LRCH1: variants seen among roughly 807,000 people sequenced by gnomAD.
LRCH1 encodes the protein leucine rich repeats and calponin homology domain containing 1.
LRCH1 carries 23 observed loss-of-function variants against 94.9 expected under a neutral mutation model. That is an observed-to-expected ratio of 0.24 (90% confidence interval 0.17 to 0.34). The LOEUF (loss-of-function observed/expected upper bound fraction) is 0.34. LRCH1 is among the 10% of genes least tolerant of loss of function. The pLI, the probability that LRCH1 is intolerant of heterozygous loss-of-function variation, is 1.00. For missense variants in LRCH1, 790 were observed against 945.9 expected, an observed-to-expected ratio of 0.84 and a Z score of 2.16; for synonymous variants, 364 against 354.9, an observed-to-expected ratio of 1.03 and a Z score of -0.29.
chr13:46,587,763 G>A (rs2050451435), intron 1 of LRCH1, among the ~76,000 whole-genome samples: 1 of 152,164 alleles, frequency 6.6e-6, no homozygotes, highest in Non-Finnish European at 1.5e-5. Flanking sequence ...ATCTATTGTT[G>A]TTAACATCTG....
At chr13:46,700,430 C>A (rs1394053398) in intron 10 of LRCH1, among the ~76,000 whole-genome samples, 1 of 152,162 alleles carries the variant, frequency 6.6e-6, no homozygotes, top group African/African-American at 2.4e-5. Flanking sequence ...CTGCTGAGAG[C>A]CACGGAGGCC....
intron 13 of LRCH1, among the ~76,000 whole-genome samples, chr13:46,706,861 T>TTC (rs200715539): frequency 6.6e-6 from 1 of 151,854 alleles, no homozygotes; most frequent in Non-Finnish European, 1.5e-5. Flanking sequence ...TTTGTTCTCT[T>TTC]TCTCTCTCTC....
chr13:46,660,189 T>G (rs988980016), intron 2 of LRCH1, among the ~76,000 whole-genome samples: 1 of 151,026 alleles, frequency 6.6e-6, no homozygotes, highest in Non-Finnish European at 1.5e-5. Flanking sequence ...TTTTTTGTAT[T>G]TTTTTTAGTA....
intron 18 of LRCH1, chr13:46,750,443 T>C: frequency 1.2e-6 from 1 of 811,654 alleles, no homozygotes; most frequent in Non-Finnish European, 2.0e-6. Context: ...CATACTAGAG[T>C]ATTCAACCTA....
At chr13:46,611,423 C>T (rs2050746265) in intron 1 of LRCH1, among the ~76,000 whole-genome samples, 2 of 152,160 alleles carry the variant, frequency 1.3e-5, no homozygotes, top group African/African-American at 4.8e-5. Context: ...AGAGCTCAGC[C>T]ACCCAGTACT....
chr13:46,557,775 GGAGGTTGCAGTGAGCT>G (rs531443378), intron 1 of LRCH1, among the ~76,000 whole-genome samples: 167 of 152,116 alleles, frequency 1.1e-3, no homozygotes, highest in African/African-American at 2.5e-3. Flanking sequence ...CCCAGGAGGC[GGAGGTTGCAGTGAGCT>G]GAGGTTGCAG....
intron 9 of LRCH1, among the ~76,000 whole-genome samples, chr13:46,697,637 G>A (rs1167349752): frequency 3.9e-5 from 6 of 152,190 alleles, no homozygotes; most frequent in Non-Finnish European, 8.8e-5. Context: ...AAAGAAGAAA[G>A]CAGAGTGTCA....
intron 7 of LRCH1, among the ~76,000 whole-genome samples, chr13:46,691,082 C>G (rs1406440146): frequency 2.0e-5 from 3 of 152,118 alleles, no homozygotes; most frequent in Non-Finnish European, 4.4e-5. Context: ...TGCATATGTC[C>G]AAAAGTAAAC....
At chr13:46,609,954 GA>G (rs1000653666) in intron 1 of LRCH1, among the ~76,000 whole-genome samples, 10 of 152,060 alleles carry the variant, frequency 6.6e-5, no homozygotes, top group Non-Finnish European at 4.4e-5. Flanking sequence ...TGTGAATAAA[GA>G]AAAAAAGATT....
chr13:46,569,051 G>A (rs966720945), intron 1 of LRCH1, among the ~76,000 whole-genome samples: 1 of 151,774 alleles, frequency 6.6e-6, no homozygotes, highest in East Asian at 1.9e-4. Flanking sequence ...TGTTTTAGTG[G>A]ACGTTCTTTA....
chr13:46,748,491 C>T (rs2061935712), downstream of LRCH1, among the ~76,000 whole-genome samples: 1 of 152,178 alleles, frequency 6.6e-6, no homozygotes, highest in South Asian at 2.1e-4. Flanking sequence ...CTTATAGAAC[C>T]TGCCTTAACA....
At chr13:46,617,605 C>T (rs2050826478) in intron 1 of LRCH1, among the ~76,000 whole-genome samples, 1 of 152,208 alleles carries the variant, frequency 6.6e-6, no homozygotes, top group South Asian at 2.1e-4. Flanking sequence ...CTGAAGGTCT[C>T]ATCCTTTTCT....
chr13:46,587,418 A>G (rs2050447082), intron 1 of LRCH1, among the ~76,000 whole-genome samples: 1 of 152,238 alleles, frequency 6.6e-6, no homozygotes, highest in Non-Finnish European at 1.5e-5. Context: ...ATTAAGGCAG[A>G]TTAGACCGCC....
rs1317686994 is a variant in LRCH1 at position 46,742,135 on chromosome 13, A to T, written c.*287A>T. 8.0e-7 allele frequency: 1 copy of T among 1,244,358 alleles called. No homozygotes were observed. Among genetic ancestry groups the T allele is most frequent in the East Asian group, 4.2e-5 (1 of 23,796 alleles). 77.1% of individuals were successfully genotyped at this position (1,244,358 alleles called of 1,614,324 possible). On this transcript the variant is annotated 3_prime_UTR_variant, in exon 20 of 20. Transcript: ENST00000389797. ...CATAGTGCCAGCAGCAGTGCCACGC[A>T]GTTCCTCCTCTCCCTCCCGGTGAGC...
Position 46,687,900 on chromosome 13 carries a change from G to C in LRCH1, c.871G>C (p.Ala291Pro), listed in dbSNP as rs1031084803. Reference sequence around the variant, plus strand: ...CATATTTAAGTATCTGAGCATACAAGCATGCCAGATTAAGACAGCTGACTC... The same window carrying C: ...CATATTTAAGTATCTGAGCATACAACCATGCCAGATTAAGACAGCTGACTC... ...VHIFKYLSIQ[A>P]CQIKTADSLY... is the part of the protein sequence containing the mutation. The change falls in exon 6 of 20, where the codon GCA (alanine) becomes CCA (proline). Residue 291 changes from alanine to proline, a missense_variant. By Grantham distance (27) the Ala-to-Pro change is conservative (BLOSUM62 -1). This residue lies in a region of LRCH1 where 194 missense variants were observed against 293.5 expected (regional missense o/e 0.66). Transcript: ENST00000389797. 1 of 1,613,210 alleles carries C rather than the reference G, an allele frequency of 6.2e-7. No individual in the cohort carries two copies. Among genetic ancestry groups the C allele is most frequent in the African/African-American group, 1.3e-5 (1 of 75,032 alleles).
At position 46,701,200 on chromosome 13, in the gene LRCH1, C is replaced by T; in HGVS notation, c.1393C>T (p.Pro465Ser). The change falls in exon 11 of 20, where the codon CCC becomes TCC. Residue 465 changes from proline (P) to serine (S), a missense_variant. Physicochemically the swap from Pro to Ser is moderately conservative, Grantham distance 74. This residue lies in a region of LRCH1 where 460 missense variants were observed against 508.9 expected (regional missense o/e 0.90). Coordinates refer to ENST00000389797, the MANE Select transcript of LRCH1 (RefSeq NM_001164211.2). ...LREAVDLLQD[P>S]NGLSTDITER... ...AGAAGCAGTAGATTTGCTGCAAGAT[C>T]CCAATGGGTGTGTATGTCTCCTTGG... is the stretch of plus-strand genomic sequence containing the variant. 1 of 1,610,154 alleles carries T rather than the reference C, an allele frequency of 6.2e-7. No homozygotes were observed. The highest frequency in any genetic ancestry group is 1.1e-5 in the South Asian group (1 of 90,998).
chr13:46,586,862 T>C (rs557695805), intron 1 of LRCH1, among the ~76,000 whole-genome samples: 2 of 152,354 alleles, frequency 1.3e-5, no homozygotes, highest in Admixed American at 1.3e-4. Flanking sequence ...ATTGGTTCTT[T>C]CCAAGCAGGA....
chr13:46,581,052 C>A (rs1423181365), intron 1 of LRCH1, among the ~76,000 whole-genome samples: 1 of 152,162 alleles, frequency 6.6e-6, no homozygotes, highest in African/African-American at 2.4e-5. Context: ...TTCTAGACTG[C>A]CTCACCAATG....
At chr13:46,719,292 G>C (rs1335724583) in intron 16 of LRCH1, among the ~76,000 whole-genome samples, 1 of 152,234 alleles carries the variant, frequency 6.6e-6, no homozygotes, top group Non-Finnish European at 1.5e-5. Flanking sequence ...GGGAGTGTTT[G>C]AAACGTTTGT....
Sources: gnomAD v4.1 joint callset for allele counts (sites outside exome capture counted in the v4.1 genomes callset) on GRCh38, gnomAD v4.1.1 for gene constraint, gnomAD v4.1.1 regional missense constraint, MANE v1.5 for transcripts, NCBI Gene and HGNC (gene_info 2026-07-23, HGNC 2026-07-21) for gene names.